TRPM3: variants seen among roughly 807,000 people sequenced by gnomAD.
TRPM3 encodes long transient receptor potential channel 3.
Under a neutral mutation model 181.2 loss-of-function variants are expected in TRPM3, and 77 were observed. The observed-to-expected ratio is 0.42, with a 90% CI of 0.35 to 0.51. The LOEUF is 0.51. Ranked by LOEUF, TRPM3 falls within the 20% of genes least tolerant of loss-of-function variation. The pLI is 0.01. For missense variants in TRPM3, 1,759 were observed against 2,196.7 expected, an observed-to-expected ratio of 0.80 and a Z score of 3.98; for synonymous variants, 745 against 796.4, an observed-to-expected ratio of 0.94 and a Z score of 1.09.
chr9:71,078,326 T>C (rs1457792158), intron 1 of TRPM3, among the ~76,000 whole-genome samples: 2 of 152,202 alleles, frequency 1.3e-5, no homozygotes, highest in East Asian at 1.9e-4. Flanking sequence ...TAAAGGAAGA[T>C]GCAGAACAAT....
intron 9 of TRPM3, among the ~76,000 whole-genome samples, chr9:70,662,449 A>C (rs762507348): frequency 6.6e-6 from 1 of 152,112 alleles, no homozygotes; most frequent in African/African-American, 2.4e-5. Context: ...ATTACAGAGT[A>C]AACAGACAAC....
At chr9:70,863,537 A>G (rs961564145) in intron 2 of TRPM3, among the ~76,000 whole-genome samples, 4 of 152,146 alleles carry the variant, frequency 2.6e-5, no homozygotes, top group African/African-American at 9.7e-5. Flanking sequence ...GAGGAATCTC[A>G]CTTCTTTGTG....
At chr9:71,297,922 C>T (rs1458271124) in intron 1 of TRPM3, among the ~76,000 whole-genome samples, 3 of 152,068 alleles carry the variant, frequency 2.0e-5, no homozygotes, top group Non-Finnish European at 4.4e-5. Context: ...AAAAGGTGAA[C>T]GGCTCATAGC....
chr9:71,147,854 A>C (rs902246968), intron 1 of TRPM3, among the ~76,000 whole-genome samples: 9 of 152,116 alleles, frequency 5.9e-5, no homozygotes, highest in African/African-American at 1.7e-4. Context: ...GGGGCCTTAC[A>C]AGGGGTTCTA....
At chr9:71,316,855 T>C (rs2088643089) in intron 1 of TRPM3, among the ~76,000 whole-genome samples, 1 of 152,092 alleles carries the variant, frequency 6.6e-6, no homozygotes, top group African/African-American at 2.4e-5. Flanking sequence ...TAAGAATTAA[T>C]CTCATCGTAA....
intron 1 of TRPM3, among the ~76,000 whole-genome samples, chr9:71,406,538 C>CAT (rs1283711211): frequency 6.6e-6 from 1 of 152,146 alleles, no homozygotes; most frequent in Non-Finnish European, 1.5e-5. Context: ...TCCACACACA[C>CAT]ATATGCAGTG....
intron 1 of TRPM3, among the ~76,000 whole-genome samples, chr9:71,182,250 G>A (rs771599474): frequency 9.2e-5 from 14 of 151,958 alleles, no homozygotes; most frequent in Non-Finnish European, 1.3e-4. Context: ...GAATTATTGG[G>A]GTATATGTGT....
At chr9:71,012,203 T>C (rs1174830699) in intron 1 of TRPM3, among the ~76,000 whole-genome samples, 1 of 152,164 alleles carries the variant, frequency 6.6e-6, no homozygotes, top group Non-Finnish European at 1.5e-5. Context: ...ATTTTGCAAA[T>C]AGGTATTGTG....
At chr9:70,797,918 T>A (rs899965236) in intron 6 of TRPM3, among the ~76,000 whole-genome samples, 2 of 152,322 alleles carry the variant, frequency 1.3e-5, no homozygotes, top group Middle Eastern at 6.8e-3. Flanking sequence ...TTAAACCCAC[T>A]TGGCCAATAA....
chr9:70,823,761 T>C (rs755432030), intron 6 of TRPM3, among the ~76,000 whole-genome samples: 88 of 152,238 alleles, frequency 5.8e-4, no homozygotes, highest in Non-Finnish European at 3.1e-4. Flanking sequence ...TGGTACTTAG[T>C]AGGAATTCGA....
intron 1 of TRPM3, among the ~76,000 whole-genome samples, chr9:70,948,898 TTCA>T (rs928516671): frequency 6.6e-6 from 1 of 152,162 alleles, no homozygotes; most frequent in African/African-American, 2.4e-5. Flanking sequence ...CTTCAAAAGT[TTCA>T]TCATATTGTA....
Position 71,024,131 on chromosome 9 carries a change from T to A in TRPM3, c.177+97047A>T, listed in dbSNP as rs148506561. The stretch of plus-strand genomic sequence containing the variant: ...AAAGGATACACGAGATCTTTTCATA[T>A]TATTTCTTACAATTGTATGTAAATG... On this transcript the variant is annotated intron_variant, in intron 1 of 25. Transcript: ENST00000677713. Among the ~76,000 whole-genome samples the A allele has an allele frequency of 2.0e-5, 3 of 152,328 alleles. No homozygotes were observed. In the East Asian group the frequency reaches 5.8e-4, roughly 29 times the overall value.
At chr9:71,070,422 C>G (rs77204450) in intron 1 of TRPM3, among the ~76,000 whole-genome samples, 3 of 152,336 alleles carry the variant, frequency 2.0e-5, no homozygotes, top group Middle Eastern at 6.8e-3. Flanking sequence ...GCTTTTAGCT[C>G]TGCACCAGGT....
intron 1 of TRPM3, among the ~76,000 whole-genome samples, chr9:71,151,157 T>C (rs1274503123): frequency 6.6e-6 from 1 of 152,174 alleles, no homozygotes; most frequent in African/African-American, 2.4e-5. Context: ...ATAAGTTGAA[T>C]AGGTAAAAAT....
chr9:70,847,861 GC>G lies in TRPM3; in HGVS notation c.463-1271del, dbSNP rs1377167332. 2.0e-5 allele frequency among the ~76,000 whole-genome samples: 3 copies of G among 152,276 alleles called. No individual in the cohort carries two copies. The East Asian group carries it at 5.8e-4, about 29-fold the overall frequency. ...GTGTTTAATATGTTAAATAGTTCTG[GC>G]TGGACGATGGTTCCAGATAACTGGT... is the stretch of plus-strand genomic sequence containing the variant. On this transcript the variant is annotated intron_variant, in intron 3 of 25. Transcript: ENST00000677713.
chr9:70,752,168 C>T (rs2076313947), intron 8 of TRPM3, among the ~76,000 whole-genome samples: 1 of 152,090 alleles, frequency 6.6e-6, no homozygotes, highest in Admixed American at 6.6e-5. Context: ...AGGAGTGTGA[C>T]TTGCCCTATC....
At chr9:71,347,425 T>C (rs1002240524) in intron 1 of TRPM3, among the ~76,000 whole-genome samples, 12 of 152,200 alleles carry the variant, frequency 7.9e-5, no homozygotes, top group Non-Finnish European at 1.5e-4. Context: ...TTAGTTCTCT[T>C]CAATTTTTTA....
chr9:70,950,174 T>C (rs1187211509), intron 1 of TRPM3, among the ~76,000 whole-genome samples: 1 of 152,214 alleles, frequency 6.6e-6, no homozygotes, highest in Non-Finnish European at 1.5e-5. Flanking sequence ...AGCTGCCTTA[T>C]TTAACAATTT....
At chr9:71,431,417 A>T (rs2093951932) in intron 1 of TRPM3, among the ~76,000 whole-genome samples, 1 of 152,166 alleles carries the variant, frequency 6.6e-6, no homozygotes, top group African/African-American at 2.4e-5. Flanking sequence ...TTTTTCATTC[A>T]ATAATTCTCC....
Sources: gnomAD v4.1 joint callset for allele counts (sites outside exome capture counted in the v4.1 genomes callset) on GRCh38, gnomAD v4.1.1 for gene constraint, MANE v1.5 for transcripts, NCBI Gene and HGNC (gene_info 2026-07-23, HGNC 2026-07-21) for gene names.